NOC2L: variants seen among roughly 807,000 people sequenced by gnomAD.
NOC2L encodes NOC2 like nucleolar associated transcriptional repressor, also known as nucleolar complex protein 2 homolog.
NOC2L carries 101 observed loss-of-function variants against 94.2 expected under a neutral mutation model. That is an observed-to-expected ratio of 1.07 (90% CI 0.91 to 1.26). The LOEUF (loss-of-function observed/expected upper bound fraction) is 1.26, where lower values mean the gene tolerates loss of function less well. Ranked by LOEUF, NOC2L falls within the 50% of genes most tolerant of loss-of-function variation. The pLI is 0.00. For missense variants in NOC2L, 1,076 were observed against 980.1 expected (o/e 1.10, Z -1.31); for synonymous variants, 531 against 413.4 (o/e 1.28, Z -3.45).
chr1:950,352 G>T (rs908071188), intron 12 of NOC2L, among the ~76,000 whole-genome samples: 1 of 150,956 alleles, frequency 6.6e-6, no homozygotes, highest in African/African-American at 2.4e-5. Flanking sequence ...CACATGCAAA[G>T]GTTCATGCAT....
In NOC2L at chr1:944,781, C is replaced by G. The variant is rs756794372; in HGVS notation, c.2163G>C (p.Glu721Asp). ...SNSEDGDPDA[E>D]AGLAPGELQQ... ...GCAGCTCCCCAGGGGCCAGCCCCGC[C>G]TCTGCGTCTGGGTCTCCATCTGCGG... The change falls in exon 19 of 19, where the codon GAG becomes GAC. Residue 721 changes from glutamate (E) to aspartate (D), a missense_variant. By Grantham distance (45) the Glu-to-Asp change is conservative (BLOSUM62 2). Around this residue, in one of 3 missense-constraint regions of NOC2L, gnomAD observed 615 missense variants for 577.4 expected, o/e 1.07. Coordinates refer to ENST00000327044, the MANE Select transcript of NOC2L (RefSeq NM_015658.4). The G allele has an allele frequency of 8.1e-6, 13 of 1,595,932 alleles. No homozygotes were observed. The highest frequency in any genetic ancestry group is 1.7e-4 in the Middle Eastern group (1 of 6,048).
Position 944,510 on chromosome 1 carries a change from G to C in NOC2L, c.*184C>G. ...CTGTGGGGCTTCAGCAGCCACACCA[G>C]CCCAGCCCAGCCCAGCTCTCGATAC... On this transcript the variant is annotated 3_prime_UTR_variant, in exon 19 of 19. Coordinates refer to ENST00000327044, the MANE Select transcript of NOC2L (RefSeq NM_015658.4). 1.6e-6 allele frequency: 1 copy of C among 613,830 alleles called. No individual in the cohort carries two copies. The highest frequency in any genetic ancestry group is 2.1e-5 in the South Asian group (1 of 48,184). 38.0% of individuals were successfully genotyped at this position (613,830 alleles called of 1,614,324 possible). A position where few individuals can be genotyped will look rare whatever the true frequency, so the allele number is the denominator to read the frequency against.
intron 16 of NOC2L, 106 bp downstream of exon 16, chr1:946,067 G>A (rs752749107): frequency 5.0e-5 from 43 of 853,804 alleles, no homozygotes; most frequent in Admixed American, 9.2e-5. Context: ...GGCCCTGGCC[G>A]CCTGGCACTG....
At chr1:949,790 T>G (rs919202643) in intron 12 of NOC2L, among the ~76,000 whole-genome samples, 1 of 152,150 alleles carries the variant, frequency 6.6e-6, no homozygotes, top group Non-Finnish European at 1.5e-5. Context: ...GGAGTGAACA[T>G]GGCTTCCTAA....
intron 9 of NOC2L, among the ~76,000 whole-genome samples, chr1:952,809 C>T (rs868006721): frequency 2.3e-4 from 35 of 152,190 alleles, no homozygotes; most frequent in Non-Finnish European, 2.1e-4. Context: ...CACACTGGGC[C>T]CCTCTGGGGG....
chr1:951,143 A>T lies in NOC2L; in HGVS notation c.1427T>A (p.Leu476Gln). Residue 476 changes from leucine to glutamine, a missense_variant, in exon 12 of 19, where the codon CTG (leucine) becomes CAG (glutamine). By Grantham distance (113) the Leu-to-Gln change is moderately radical. Transcript: ENST00000327044. Reference protein sequence around the residue: ...SGSSGAFIPVLPFILEMFQQV... With the variant: ...SGSSGAFIPVQPFILEMFQQV... ...CTCACTCACCTCCAGGATGAAAGGC[A>T]GCACCGGGATGAAGGCCCCCGAGCT... 3 of 1,585,198 alleles carry T rather than the reference A, an allele frequency of 1.9e-6. No individual in the cohort carries two copies. The highest frequency in any genetic ancestry group is 2.6e-6 in the Non-Finnish European group (3 of 1,165,548).
At chr1:952,365 G>T (rs1642282924) in intron 10 of NOC2L, 47 bp downstream of exon 10, 1 of 1,600,668 alleles carries the variant, frequency 6.2e-7, no homozygotes, top group African/African-American at 1.3e-5. Flanking sequence ...CACCTGGGCT[G>T]CCCCACCCCA....
chr1:959,038 A>C lies in NOC2L; in HGVS notation c.70T>G (p.Phe24Val), dbSNP rs749164589. 6.2e-7 allele frequency: 1 copy of C among 1,611,878 alleles called. No homozygotes were observed. The highest frequency in any genetic ancestry group is 1.1e-5 in the South Asian group (1 of 91,000). The change falls in exon 2 of 19, where the codon TTT becomes GTT. Residue 24 changes from phenylalanine to valine, a missense_variant. By Grantham distance (50) the Phe-to-Val change is conservative. Around this residue, in one of 3 missense-constraint regions of NOC2L, gnomAD observed 457 missense variants for 386.0 expected, o/e 1.18. Coordinates refer to ENST00000327044, the MANE Select transcript of NOC2L (RefSeq NM_015658.4). ...GACTCGGATTCGGACTCGGAGTCAA[A>C]GCCCGAAGCTAGGAACTCGTCCACC... is the stretch of plus-strand genomic sequence containing the variant. ...LTVDEFLASG[F>V]DSESESESEN...
At chr1:958,655 G>A (rs752780136) in intron 2 of NOC2L, 124 of 657,204 alleles carry the variant, frequency 1.9e-4, no homozygotes, top group Non-Finnish European at 3.0e-4. Flanking sequence ...CCGAACTGCA[G>A]GCGGTGATTT....
At chr1:954,219 C>T in intron 6 of NOC2L, 137 bp from the exon 7 acceptor site, 1 of 736,600 alleles carries the variant, frequency 1.4e-6, no homozygotes, top group South Asian at 1.9e-5. Context: ...CTCAAAAAAG[C>T]TCAGGGCCCC....
rs536939000 is a variant in NOC2L, at chr1:958,780, G to C, written c.179+149C>G. On this transcript the variant is annotated intron_variant, in intron 2 of 18. Coordinates refer to ENST00000327044, the MANE Select transcript of NOC2L (RefSeq NM_015658.4). ...ACGGAACAGGAGCTCAGTAAACATCGGATGAAAGAGTAAGTTAAGCTGAAA... is the reference window on the plus strand; with the variant it reads ...ACGGAACAGGAGCTCAGTAAACATCCGATGAAAGAGTAAGTTAAGCTGAAA... 12 of 806,332 alleles carry C rather than the reference G, an allele frequency of 1.5e-5. No individual in the cohort carries two copies. The East Asian group carries it at 2.4e-4, about 16-fold the overall frequency. 49.9% of individuals were successfully genotyped at this position (806,332 alleles called of 1,614,324 possible).
At position 952,457 on chromosome 1, in the gene NOC2L, GC is replaced by G; in HGVS notation, c.1145del (p.Arg382ProfsTer11). 2.1e-5 allele frequency: 34 copies of G among 1,613,860 alleles called. No homozygotes were observed. Among genetic ancestry groups the G allele is most frequent in the Non-Finnish European group, 2.9e-5 (34 of 1,180,004 alleles). ...CGTTGCGCAGGTGTATGGCGAGCTG[GC>G]GGATGTAGAGGAAGGCGTGCTGGTA... ...VAYQHAFLYIRQLAIHLRNAM... is the reference protein window; with the variant it reads ...VAYQHAFLYIXQLAIHLRNAM... On this transcript the variant is annotated frameshift_variant, in exon 10 of 19. Transcript: ENST00000327044. LOFTEE classifies it high-confidence loss of function.
rs199960201 is a variant in NOC2L at position 956,017 on chromosome 1, C to T, written c.608-4G>A. ...AAGGTAACCAGAGCATTGAATGCTG[C>T]AACGAAAAGGCCTGGATGTACTCAC... On this transcript the variant is annotated splice_polypyrimidine_tract_variant and splice_region_variant and intron_variant, in intron 5 of 18. Coordinates refer to ENST00000327044, the MANE Select transcript of NOC2L (RefSeq NM_015658.4). 2.0e-4 allele frequency: 323 copies of T among 1,614,044 alleles called. 2 individuals are homozygous for T. The East Asian group carries it at 6.9e-3, about 34-fold the overall frequency.
intron 4 of NOC2L, 94 bp from the exon 5 acceptor site, chr1:956,309 C>G: frequency 3.5e-6 from 5 of 1,447,910 alleles, no homozygotes; most frequent in Non-Finnish European, 4.7e-6. Flanking sequence ...CCCTCACCCT[C>G]ACCCTCAGAC....
chr1:948,965 ATGG>A (rs1642186207), intron 12 of NOC2L, among the ~76,000 whole-genome samples: 1 of 151,986 alleles, frequency 6.6e-6, no homozygotes. Context: ...TCCTGACAAC[ATGG>A]CACTGAGGCC....
At position 948,229 on chromosome 1, in the gene NOC2L, C is replaced by G; in HGVS notation, c.1561G>C (p.Gly521Arg). The G allele has an allele frequency of 1.3e-6, 2 of 1,578,006 alleles. No individual in the cohort carries two copies. Among genetic ancestry groups the G allele is most frequent in the Non-Finnish European group, 1.7e-6 (2 of 1,161,938 alleles). Residue 521 changes from glycine to arginine, a missense_variant, in exon 14 of 19, where the codon GGC becomes CGC. Physicochemically the swap from Gly to Arg is moderately radical, Grantham distance 125. Transcript: ENST00000327044. ...VNLQEKAYRD[G>R]LVEQLYDLTL... Reference sequence around the variant, plus strand: ...AGGTCGTACAGCTGCTCCACCAGGCCGTCCTGAAGAGCAGGAGAGAGGGCC... The same window carrying G: ...AGGTCGTACAGCTGCTCCACCAGGCGGTCCTGAAGAGCAGGAGAGAGGGCC...
chr1:948,728 T>TCCCCCTGGTCCCTTTGGCCCTGCA, intron 12 of NOC2L, 125 bp from the exon 13 acceptor site: 2 of 665,856 alleles, frequency 3.0e-6, no homozygotes, highest in Non-Finnish European at 2.7e-6. Flanking sequence ...GTCACCCTGG[T>TCCCCCTGGTCCCTTTGGCCCTGCA]CCTCAGGCTT....
At chr1:951,265 G>T in intron 11 of NOC2L, 27 bp from the exon 12 acceptor site, 1 of 1,525,550 alleles carries the variant, frequency 6.6e-7, no homozygotes, top group East Asian at 2.4e-5. Flanking sequence ...CGAGTGAGCA[G>T]AGGCCCCGGC....
rs113620763 is a variant in NOC2L at position 956,013 on chromosome 1, G to A, written c.608C>T (p.Ala203Val). Reference protein sequence around the residue: ...ANKFQVTDSAAFNALVTFCIR... With the variant: ...ANKFQVTDSAVFNALVTFCIR... ...GCAGAAGGTAACCAGAGCATTGAATGCTGCAACGAAAAGGCCTGGATGTAC... is the reference window on the plus strand; with the variant it reads ...GCAGAAGGTAACCAGAGCATTGAATACTGCAACGAAAAGGCCTGGATGTAC... The change falls in exon 6 of 19, where the codon GCA becomes GTA. Residue 203 changes from alanine (A) to valine (V), a missense_variant and splice_region_variant. By Grantham distance (64) the Ala-to-Val change is moderately conservative. Coordinates refer to ENST00000327044, the MANE Select transcript of NOC2L (RefSeq NM_015658.4). The A allele has an allele frequency of 2.0e-4, 316 of 1,613,998 alleles. 1 individual carries two copies. The African/African-American group carries it at 3.8e-3, about 19-fold the overall frequency.
Sources: allele counts gnomAD v4.1 joint callset (sites outside exome capture counted in the v4.1 genomes callset), GRCh38; gene constraint gnomAD v4.1.1; regional missense constraint gnomAD v4.1.1; transcripts MANE v1.5; gene names NCBI Gene and HGNC (gene_info 2026-07-23, HGNC 2026-07-21).